The following FOCAD variants were observed in gnomAD, a reference collection of about 807,000 sequenced individuals.
The protein encoded by FOCAD is KIAA1797.
Under a neutral mutation model 225.6 loss-of-function variants are expected in FOCAD, and 198 were observed. The ratio of observed to expected loss-of-function variants is 0.88; its 90% CI spans 0.78 to 0.99. The LOEUF is 0.99. Ranked by LOEUF, FOCAD falls within the 50% of genes least tolerant of loss-of-function variation. The pLI, the probability that FOCAD is intolerant of heterozygous loss-of-function variation, is 0.00. For synonymous variants in FOCAD, 897 were observed against 755.0 expected (o/e 1.19, Z -3.08); for missense variants, 2,713 against 2,123.6 (o/e 1.28, Z -5.46).
In FOCAD at chr9:20,867,020, T is replaced by G; in HGVS notation, c.2190+8T>G. On this transcript the variant is annotated splice_region_variant and intron_variant, in intron 18 of 43. Transcript: ENST00000338382. ...CTTCATCTGCCTGAAAAGGTAGGCATATCTGCTTTCTCACTGGTATTTCTT... is the reference window on the plus strand; with the variant it reads ...CTTCATCTGCCTGAAAAGGTAGGCAGATCTGCTTTCTCACTGGTATTTCTT... The G allele has an allele frequency of 6.5e-7, 1 of 1,532,312 alleles. No homozygotes were observed. The highest frequency in any genetic ancestry group is 1.2e-5 in the South Asian group (1 of 85,968). 94.9% of individuals were successfully genotyped at this position (1,532,312 alleles called of 1,614,324 possible).
At chr9:20,931,384 T>C (rs1201640855) in intron 27 of FOCAD, among the ~76,000 whole-genome samples, 1 of 152,194 alleles carries the variant, frequency 6.6e-6, no homozygotes, top group Non-Finnish European at 1.5e-5. Context: ...GTAATGCCAT[T>C]ACTAACATAA....
chr9:20,866,237 A>G (rs926075802), intron 17 of FOCAD, among the ~76,000 whole-genome samples: 9 of 149,518 alleles, frequency 6.0e-5, no homozygotes, highest in Non-Finnish European at 1.2e-4. Flanking sequence ...ATATTATCTT[A>G]TATTTTTATA....
intron 40 of FOCAD, among the ~76,000 whole-genome samples, chr9:20,986,807 A>T (rs1047850494): frequency 6.6e-6 from 1 of 152,190 alleles, no homozygotes; most frequent in Admixed American, 6.5e-5. Context: ...TTTCATGAAA[A>T]TGGCTTTTGG....
chr9:20,667,321 G>A (rs755488871), intron 2 of FOCAD, among the ~76,000 whole-genome samples: 4 of 152,130 alleles, frequency 2.6e-5, no homozygotes, highest in South Asian at 2.1e-4. Context: ...TAATCCACTC[G>A]TTTATTTGAG....
chr9:20,841,427 C>T (rs944284615), intron 15 of FOCAD, among the ~76,000 whole-genome samples: 4 of 151,530 alleles, frequency 2.6e-5, no homozygotes, highest in Non-Finnish European at 5.9e-5. Flanking sequence ...TTTATTTTGG[C>T]ATTGCTCTCC....
Position 20,815,123 on chromosome 9 carries a change from G to GGTTTTTTTTTTTTTTTTT in FOCAD, c.1456-4673_1456-4672insGTTTTTTTTTTTTTTTTT, listed in dbSNP as rs796702774. Among the ~76,000 whole-genome samples the GGTTTTTTTTTTTTTTTTT allele has an allele frequency of 2.8e-3, 243 of 85,352 alleles. 56 individuals are homozygous for GGTTTTTTTTTTTTTTTTT. The highest frequency in any genetic ancestry group is 5.2e-3 in the Admixed American group (36 of 6,964). The allele number at this position is 85,352 out of a possible 152,430, so 56.0% of individuals were successfully genotyped here. A position where few individuals can be genotyped will look rare whatever the true frequency, so the allele number is the denominator to read the frequency against. On this transcript the variant is annotated intron_variant, in intron 11 of 43. Transcript: ENST00000338382. ...TCTGGAAATATCATTACTTCTCTTT[G>GGTTTTTTTTTTTTTTTTT]TTTTTTTTTTTTTGTTTTTTTTTTT...
chr9:20,925,252 A>G (rs1403236953), intron 25 of FOCAD, among the ~76,000 whole-genome samples: 3 of 152,222 alleles, frequency 2.0e-5, no homozygotes, highest in Admixed American at 6.5e-5. Context: ...AACATGCTGC[A>G]TAGATCTACA....
chr9:20,820,576 A>G (rs1824213985), intron 13 of FOCAD, 151 bp downstream of exon 13: 2 of 612,006 alleles, frequency 3.3e-6, no homozygotes, highest in African/African-American at 1.9e-5. Flanking sequence ...ATTGTGATGC[A>G]TTTGTAATGC....
intron 40 of FOCAD, 133 bp from the exon 41 acceptor site, chr9:20,988,199 T>C (rs1192739662): frequency 2.0e-6 from 1 of 506,864 alleles, no homozygotes; most frequent in Non-Finnish European, 3.6e-6. Flanking sequence ...TCTCGGGTAT[T>C]GCAAGGGAAC....
chr9:20,665,477 C>G (rs997179015), intron 2 of FOCAD, among the ~76,000 whole-genome samples: 1 of 152,184 alleles, frequency 6.6e-6, no homozygotes, highest in East Asian at 1.9e-4. Flanking sequence ...AGTTCAGTCA[C>G]TTCCTCAGAA....
At chr9:20,867,423 T>A (rs922682059) in intron 18 of FOCAD, among the ~76,000 whole-genome samples, 1 of 152,008 alleles carries the variant, frequency 6.6e-6, no homozygotes. Context: ...TGCTTTTTTT[T>A]AGTATCTGTG....
chr9:20,663,598 A>G (rs950706616), intron 2 of FOCAD, among the ~76,000 whole-genome samples: 1 of 152,130 alleles, frequency 6.6e-6, no homozygotes, highest in Admixed American at 6.5e-5. Context: ...CTATGCATCA[A>G]AAACAATTCT....
chr9:20,933,430 G>A (rs1487631794), intron 28 of FOCAD, among the ~76,000 whole-genome samples: 1 of 152,158 alleles, frequency 6.6e-6, no homozygotes, highest in African/African-American at 2.4e-5. Flanking sequence ...TCCCACTTAT[G>A]AGTGAGAATA....
intron 41 of FOCAD, among the ~76,000 whole-genome samples, chr9:20,989,773 T>C (rs1473250667): frequency 6.6e-6 from 1 of 152,218 alleles, no homozygotes; most frequent in Non-Finnish European, 1.5e-5. Context: ...TTGTAAGCTC[T>C]TTGAAAACAT....
intron 15 of FOCAD, among the ~76,000 whole-genome samples, chr9:20,853,194 T>C (rs1019369655): frequency 4.6e-5 from 7 of 151,818 alleles, no homozygotes; most frequent in Admixed American, 1.3e-4. Flanking sequence ...TCATTCTTTC[T>C]GTTCCTGCAG....
At chr9:20,763,343 C>T (rs536649969) in intron 6 of FOCAD, among the ~76,000 whole-genome samples, 2 of 152,106 alleles carry the variant, frequency 1.3e-5, no homozygotes, top group African/African-American at 4.8e-5. Flanking sequence ...GTAATCTCAG[C>T]TACTTGGGAG....
chr9:20,766,081 C>T (rs1830029026), intron 7 of FOCAD, among the ~76,000 whole-genome samples: 1 of 152,158 alleles, frequency 6.6e-6, no homozygotes, highest in Non-Finnish European at 1.5e-5. Flanking sequence ...ATAGGCAGAA[C>T]ATCTTGAACT....
intron 15 of FOCAD, among the ~76,000 whole-genome samples, chr9:20,826,813 G>A (rs929280355): frequency 6.6e-6 from 1 of 151,988 alleles, no homozygotes; most frequent in Admixed American, 6.6e-5. Flanking sequence ...TGAAAAATGT[G>A]GGCATTGAAA....
At chr9:20,661,841 G>T (rs1310502953) in intron 2 of FOCAD, among the ~76,000 whole-genome samples, 1 of 152,040 alleles carries the variant, frequency 6.6e-6, no homozygotes, top group Admixed American at 6.5e-5. Flanking sequence ...AAAATGATGT[G>T]GGCAAAAGCA....
Sources: gnomAD v4.1 joint callset for allele counts (sites outside exome capture counted in the v4.1 genomes callset) on GRCh38, gnomAD v4.1.1 for gene constraint, MANE v1.5 for transcripts, NCBI Gene and HGNC (gene_info 2026-07-23, HGNC 2026-07-21) for gene names.